Variants in CNTNAP2 observed in about 807,000 individuals in gnomAD.
CNTNAP2 encodes contactin associated protein 2.
Under a neutral mutation model 155.2 loss-of-function variants are expected in CNTNAP2, and 98 were observed. The observed-to-expected ratio is 0.63, with a 90% CI of 0.54 to 0.75. The LOEUF (loss-of-function observed/expected upper bound fraction) is 0.75, where lower values mean the gene tolerates loss of function less well. Ranked by LOEUF, CNTNAP2 falls within the 30% of genes least tolerant of loss-of-function variation. CNTNAP2 has a pLI of 0.00. For synonymous variants in CNTNAP2, 651 were observed against 631.2 expected, an observed-to-expected ratio of 1.03 and a Z score of -0.47; for missense variants, 1,727 against 1,688.1, an observed-to-expected ratio of 1.02 and a Z score of -0.40.
intron 1 of CNTNAP2, among the ~76,000 whole-genome samples, chr7:146,239,850 A>C (rs1218602978): frequency 5.9e-5 from 9 of 152,216 alleles, no homozygotes; most frequent in African/African-American, 1.9e-4. Context: ...AATGAGATGC[A>C]ACACATCTGA....
At chr7:147,009,736 AG>A (rs1313913441) in intron 3 of CNTNAP2, among the ~76,000 whole-genome samples, 1 of 152,166 alleles carries the variant, frequency 6.6e-6, no homozygotes, top group African/African-American at 2.4e-5. Flanking sequence ...TTCAACTAGC[AG>A]CAAATTCTAT....
At chr7:146,776,844 G>A (rs937603117) in intron 2 of CNTNAP2, among the ~76,000 whole-genome samples, 1 of 152,116 alleles carries the variant, frequency 6.6e-6, no homozygotes, top group Non-Finnish European at 1.5e-5. Flanking sequence ...CTCATACAGA[G>A]AGAGTCAGGT....
intron 22 of CNTNAP2, among the ~76,000 whole-genome samples, chr7:148,406,956 C>T (rs916160687): frequency 6.7e-6 from 1 of 149,360 alleles, no homozygotes; most frequent in African/African-American, 2.5e-5. Context: ...CAGACCATGT[C>T]GGACCAAGAA....
At chr7:146,280,107 T>C (rs1800226987) in intron 1 of CNTNAP2, among the ~76,000 whole-genome samples, 1 of 152,190 alleles carries the variant, frequency 6.6e-6, no homozygotes, top group African/African-American at 2.4e-5. Context: ...TGTGTGTGAA[T>C]GTTTGTGTGG....
intron 4 of CNTNAP2, among the ~76,000 whole-genome samples, chr7:147,093,642 A>G (rs1034516006): frequency 6.6e-6 from 1 of 152,144 alleles, no homozygotes; most frequent in Non-Finnish European, 1.5e-5. Flanking sequence ...CAAAATTCAC[A>G]CAATTCTCAC....
At chr7:147,753,137 C>T (rs527678208) in intron 13 of CNTNAP2, among the ~76,000 whole-genome samples, 1 of 152,162 alleles carries the variant, frequency 6.6e-6, no homozygotes, top group South Asian at 2.1e-4. Flanking sequence ...TGATTTGAAC[C>T]TAGTCTTTAA....
At chr7:147,250,908 C>T (rs1198994800) in intron 8 of CNTNAP2, among the ~76,000 whole-genome samples, 2 of 152,122 alleles carry the variant, frequency 1.3e-5, no homozygotes, top group African/African-American at 4.8e-5. Context: ...CTGGCTATCT[C>T]ATGTTTTCTC....
intron 3 of CNTNAP2, among the ~76,000 whole-genome samples, chr7:146,872,550 G>A (rs552698946): frequency 1.3e-3 from 195 of 152,224 alleles, no homozygotes; most frequent in African/African-American, 4.2e-3. Flanking sequence ...AATGTGGTAC[G>A]GCTGTTGTAC....
At chr7:147,478,464 A>G (rs1376295882) in intron 10 of CNTNAP2, among the ~76,000 whole-genome samples, 1 of 152,090 alleles carries the variant, frequency 6.6e-6, no homozygotes, top group Non-Finnish European at 1.5e-5. Context: ...ATTTGTTGTT[A>G]TAATAAAGAC....
In CNTNAP2 at chr7:148,381,087, C is replaced by T. The variant is rs774592370; in HGVS notation, c.3476-2562C>T. Among the ~76,000 whole-genome samples the T allele has an allele frequency of 7.2e-5, 11 of 152,358 alleles. 1 individual carries two copies. The highest frequency in any genetic ancestry group is 6.8e-3 in the Middle Eastern group (2 of 294). ...GAGTGGGTGCAGGAGCCAGGGTGAGCGCTTTTGAGCGCCAACAGGAGTGAA... is the reference window on the plus strand; with the variant it reads ...GAGTGGGTGCAGGAGCCAGGGTGAGTGCTTTTGAGCGCCAACAGGAGTGAA... On this transcript the variant is annotated intron_variant, in intron 21 of 23. Transcript: ENST00000361727.
At chr7:147,780,800 T>C (rs1398322826) in intron 13 of CNTNAP2, among the ~76,000 whole-genome samples, 4 of 152,226 alleles carry the variant, frequency 2.6e-5, no homozygotes, top group East Asian at 1.9e-4. Flanking sequence ...CTGCTAGTAA[T>C]AAGGCTTCAG....
intron 13 of CNTNAP2, among the ~76,000 whole-genome samples, chr7:147,647,268 T>C (rs1229777584): frequency 6.6e-6 from 1 of 151,952 alleles, no homozygotes; most frequent in Non-Finnish European, 1.5e-5. Flanking sequence ...CCCAAAGTGT[T>C]AGGATTACAG....
At chr7:147,047,112 T>C (rs1237296493) in intron 4 of CNTNAP2, among the ~76,000 whole-genome samples, 4 of 140,292 alleles carry the variant, frequency 2.9e-5, no homozygotes, top group Non-Finnish European at 4.7e-5. Context: ...TTTCTTTTTT[T>C]TTTTTTTTTT....
chr7:148,242,952 A>G (rs1027493266), intron 20 of CNTNAP2, among the ~76,000 whole-genome samples: 2 of 152,202 alleles, frequency 1.3e-5, no homozygotes, highest in African/African-American at 4.8e-5. Context: ...AGGAAATATA[A>G]TCAAAATGTT....
At chr7:147,046,912 G>A (rs906511634) in intron 4 of CNTNAP2, among the ~76,000 whole-genome samples, 2 of 150,218 alleles carry the variant, frequency 1.3e-5, no homozygotes, top group Admixed American at 1.3e-4. Flanking sequence ...GGCGCCTGTA[G>A]TCCCAGCTAC....
chr7:146,833,113 C>A (rs562278811), intron 2 of CNTNAP2, among the ~76,000 whole-genome samples: 1 of 152,098 alleles, frequency 6.6e-6, no homozygotes. Flanking sequence ...CTTTTAGTAT[C>A]CATCTATAAA....
chr7:148,304,178 G>A (rs1449050568), intron 21 of CNTNAP2, among the ~76,000 whole-genome samples: 1 of 152,084 alleles, frequency 6.6e-6, no homozygotes, highest in Non-Finnish European at 1.5e-5. Context: ...GTTCAAAACA[G>A]GAAATTAGAT....
At chr7:147,006,676 G>A (rs879019392) in intron 3 of CNTNAP2, among the ~76,000 whole-genome samples, 7 of 152,032 alleles carry the variant, frequency 4.6e-5, no homozygotes, top group African/African-American at 1.7e-4. Context: ...TAAAGTGTGT[G>A]ATAATAAGGA....
At chr7:147,144,733 A>G (rs1273101873) in intron 8 of CNTNAP2, among the ~76,000 whole-genome samples, 12 of 152,216 alleles carry the variant, frequency 7.9e-5, no homozygotes. Flanking sequence ...TTTACTGCCC[A>G]TAGCAGTTTT....
Sources: gnomAD v4.1 joint callset for allele counts (sites outside exome capture counted in the v4.1 genomes callset) on GRCh38, gnomAD v4.1.1 for gene constraint, MANE v1.5 for transcripts, NCBI Gene and HGNC (gene_info 2026-07-23, HGNC 2026-07-21) for gene names.